The following CFAP20DC variants were observed in gnomAD, a reference collection of about 807,000 sequenced individuals.
CFAP20DC encodes the protein protein CFAP20DC.
A neutral mutation model predicts 101.7 loss-of-function variants in CFAP20DC; 84 were observed. The ratio of observed to expected loss-of-function variants is 0.83; its 90% CI spans 0.69 to 0.99. CFAP20DC has a LOEUF of 0.99. Ranked by LOEUF, CFAP20DC falls within the 50% of genes least tolerant of loss-of-function variation. CFAP20DC has a pLI of 0.00. For missense variants in CFAP20DC, 1,007 were observed against 970.3 expected, an observed-to-expected ratio of 1.04 and a Z score of -0.50; for synonymous variants, 359 against 351.2, an observed-to-expected ratio of 1.02 and a Z score of -0.25.
intron 4 of CFAP20DC, among the ~76,000 whole-genome samples, chr3:58,950,310 A>G (rs1419330941): frequency 2.0e-5 from 3 of 152,212 alleles, no homozygotes; most frequent in Admixed American, 1.3e-4. Context: ...AGGAAGAATC[A>G]ATATTGTGAA....
Position 58,863,066 on chromosome 3 carries a change from A to G in CFAP20DC, c.1593+492T>C. The G allele has an allele frequency of 1.0e-6, 1 of 992,108 alleles. No homozygotes were observed. The highest frequency in any genetic ancestry group is 1.7e-5 in the African/African-American group (1 of 57,656). 61.5% of individuals were successfully genotyped at this position (992,108 alleles called of 1,614,324 possible). A position where few individuals can be genotyped will look rare whatever the true frequency, so the allele number is the denominator to read the frequency against. On this transcript the variant is annotated intron_variant, in intron 12 of 16. Coordinates refer to ENST00000482387, the MANE Select transcript of CFAP20DC (RefSeq NM_001394063.1). This position sits in a 1 kb window ranked among gnomAD's most constrained non-coding sequence, Gnocchi z 5.9. The stretch of plus-strand genomic sequence containing the variant: ...ATCCACGACTCATTATCTAAACTTT[A>G]ATTGGCACAACTCTTCAAATTCTGG...
chr3:58,993,419 CT>C (rs940307868), intron 4 of CFAP20DC, among the ~76,000 whole-genome samples: 4 of 148,906 alleles, frequency 2.7e-5, no homozygotes, highest in Non-Finnish European at 3.0e-5. Flanking sequence ...TGGTGAATTT[CT>C]TTTTTTTTTA....
chr3:58,841,544 CA>C (rs1402040253), intron 13 of CFAP20DC, among the ~76,000 whole-genome samples: 1 of 152,102 alleles, frequency 6.6e-6, no homozygotes, highest in Non-Finnish European at 1.5e-5. Context: ...GGGGCAGAAA[CA>C]AAACTAATTC....
In CFAP20DC at chr3:58,913,882, A is replaced by G. The variant is rs1553720922; in HGVS notation, c.394-18T>C. On this transcript the variant is annotated intron_variant, in intron 5 of 16. Coordinates refer to ENST00000482387, the MANE Select transcript of CFAP20DC (RefSeq NM_001394063.1). This position sits in a 1 kb window ranked among gnomAD's most constrained non-coding sequence, Gnocchi z 4.4. ...TTGCACCACTAAAATAGAGAGATGCAAAGAAGAGTAAGGACCTTTCATCAA... is the reference window on the plus strand; with the variant it reads ...TTGCACCACTAAAATAGAGAGATGCGAAGAAGAGTAAGGACCTTTCATCAA... The G allele has an allele frequency of 2.5e-6, 4 of 1,612,632 alleles. No individual in the cohort carries two copies. Among genetic ancestry groups the G allele is most frequent in the Admixed American group, 1.7e-5 (1 of 59,878 alleles).
downstream of CFAP20DC, chr3:58,741,951 A>G (rs1028455789): frequency 1.0e-5 from 4 of 387,288 alleles, no homozygotes; most frequent in Admixed American, 1.3e-4. Context: ...AAAGTATCAT[A>G]TAGGAATATT....
chr3:58,733,520 C>T (rs1008473942), intron 3 of CFAP20DC, among the ~76,000 whole-genome samples: 7 of 152,126 alleles, frequency 4.6e-5, no homozygotes, highest in African/African-American at 1.4e-4. Context: ...GTAAAAAAAA[C>T]CCTTTAACAT....
At chr3:58,953,805 C>CA (rs1198749658) in intron 4 of CFAP20DC, 2 of 152,118 alleles carry the variant, frequency 1.3e-5, no homozygotes, top group African/African-American at 4.8e-5. Context: ...TTTTCACCAT[C>CA]AAAAACCTCC....
At chr3:58,768,644 T>C (rs142451045) in intron 15 of CFAP20DC, among the ~76,000 whole-genome samples, 21 of 152,270 alleles carry the variant, frequency 1.4e-4, no homozygotes, top group African/African-American at 4.8e-4. Flanking sequence ...CTTTTCAAAA[T>C]TTGTTTTTAC....
chr3:59,009,018 G>T (rs565250438), intron 4 of CFAP20DC, among the ~76,000 whole-genome samples: 7 of 152,170 alleles, frequency 4.6e-5, no homozygotes, highest in African/African-American at 1.7e-4. Context: ...CCACTCACCA[G>T]CATTGGGGAA....
At chr3:58,935,511 TGAC>T (rs1193052795) in intron 5 of CFAP20DC, among the ~76,000 whole-genome samples, 1 of 151,834 alleles carries the variant, frequency 6.6e-6, no homozygotes, top group African/African-American at 2.4e-5. Context: ...TCGCGCTACC[TGAC>T]TTCAAACTAT....
chr3:58,895,721 T>C (rs755949278), intron 6 of CFAP20DC, among the ~76,000 whole-genome samples: 6 of 152,194 alleles, frequency 3.9e-5, no homozygotes, highest in Non-Finnish European at 8.8e-5. Context: ...GTTTTCATGC[T>C]ACTGATAAAG....
rs1471617913 is a variant in CFAP20DC, at chr3:58,971,590, C to T, written c.279-33828G>A. 6.6e-6 allele frequency among the ~76,000 whole-genome samples: 1 copy of T among 152,074 alleles called. No homozygotes were observed. The highest frequency in any genetic ancestry group is 6.6e-5 in the Admixed American group (1 of 15,236). ...GACATTTCACAGGTACACAAAGATA[C>T]ACACATGGATATTCATGGTAACACT... is the stretch of plus-strand genomic sequence containing the variant. On this transcript the variant is annotated intron_variant, in intron 4 of 16. Coordinates refer to ENST00000482387, the MANE Select transcript of CFAP20DC (RefSeq NM_001394063.1). The surrounding 1 kb of genome is among the most constrained non-coding windows in gnomAD (Gnocchi z 4.1).
At chr3:58,821,119 C>T (rs1289143923) in intron 14 of CFAP20DC, among the ~76,000 whole-genome samples, 1 of 151,836 alleles carries the variant, frequency 6.6e-6, no homozygotes, top group East Asian at 1.9e-4. Context: ...GGATCCCTTC[C>T]TTACACCTTA....
Position 58,933,580 on chromosome 3 carries a change from C to T in CFAP20DC, c.393+4068G>A, listed in dbSNP as rs1167307049. Among the ~76,000 whole-genome samples the T allele has an allele frequency of 2.0e-5, 3 of 152,284 alleles. No individual in the cohort carries two copies. In the East Asian group the frequency reaches 5.8e-4, roughly 29 times the overall value. On this transcript the variant is annotated intron_variant, in intron 5 of 16. Transcript: ENST00000482387. ...AAATTATAACAAACTGTCTCTCAGA[C>T]CACAGTGAAATCAAACCAGAACTCA...
At chr3:58,880,998 C>T (rs745425780) in intron 7 of CFAP20DC, among the ~76,000 whole-genome samples, 14 of 152,098 alleles carry the variant, frequency 9.2e-5, no homozygotes, top group Non-Finnish European at 1.3e-4. Context: ...AATCTAACTC[C>T]TTCTCCTTTT....
At chr3:58,806,354 GTT>G (rs59197884) in intron 15 of CFAP20DC, 39 bp downstream of exon 15, 3 of 1,120,664 alleles carry the variant, frequency 2.7e-6, no homozygotes, top group Non-Finnish European at 3.9e-6. Flanking sequence ...TTCCAACTAA[GTT>G]TTTTTTTTTC....
At chr3:58,762,872 C>G (rs1437955099) in intron 15 of CFAP20DC, among the ~76,000 whole-genome samples, 1 of 152,236 alleles carries the variant, frequency 6.6e-6, no homozygotes, top group Non-Finnish European at 1.5e-5. Flanking sequence ...GGCCCCCACT[C>G]TCTTCTGGCT....
At chr3:58,824,975 T>C (rs1476027097) in intron 14 of CFAP20DC, among the ~76,000 whole-genome samples, 1 of 152,096 alleles carries the variant, frequency 6.6e-6, no homozygotes, top group Non-Finnish European at 1.5e-5. Flanking sequence ...GTTATGTTAA[T>C]TATTAACCTG....
At chr3:58,812,628 C>G (rs1194424534) in intron 14 of CFAP20DC, among the ~76,000 whole-genome samples, 1 of 151,566 alleles carries the variant, frequency 6.6e-6, no homozygotes, top group Non-Finnish European at 1.5e-5. Flanking sequence ...ATGGGTGCAG[C>G]ACACCAGCAT....
Sources: allele counts gnomAD v4.1 joint callset (sites outside exome capture counted in the v4.1 genomes callset), GRCh38; gene constraint gnomAD v4.1.1; non-coding constraint Gnocchi (gnomAD v3.1); transcripts MANE v1.5; gene names NCBI Gene and HGNC (gene_info 2026-07-23, HGNC 2026-07-21).